DTX1: variants seen among roughly 807,000 people sequenced by gnomAD.
DTX1 encodes E3 ubiquitin-protein ligase DTX1.
DTX1 carries 26 observed loss-of-function variants against 57.8 expected under a neutral mutation model. The observed-to-expected ratio is 0.45, with a 90% CI of 0.33 to 0.62. DTX1 has a LOEUF of 0.62. Ranked by LOEUF, DTX1 falls within the 20% of genes least tolerant of loss-of-function variation. The pLI, the probability that DTX1 is intolerant of heterozygous loss-of-function variation, is 0.02. For missense variants in DTX1, 704 were observed against 895.3 expected (o/e 0.79, Z 2.73); for synonymous variants, 398 against 394.1 (o/e 1.01, Z -0.12).
At chr12:113,084,595 G>C (rs1443521806) in intron 3 of DTX1, among the ~76,000 whole-genome samples, 1 of 152,146 alleles carries the variant, frequency 6.6e-6, no homozygotes, top group East Asian at 1.9e-4. Flanking sequence ...ATGTTGCCCA[G>C]GCTAGTCTCA....
chr12:113,086,277 C>T (rs1479023257), intron 3 of DTX1, among the ~76,000 whole-genome samples: 1 of 143,860 alleles, frequency 7.0e-6, no homozygotes, highest in African/African-American at 2.5e-5. Context: ...AAAAAAAAAG[C>T]AAAAGAACTG....
Position 113,060,239 on chromosome 12 carries a change from T to G in DTX1, c.259+1788T>G, listed in dbSNP as rs58273997. Among the ~76,000 whole-genome samples, 1,044 of 152,292 alleles carry G rather than the reference T, an allele frequency of 6.9e-3. 14 individuals are homozygous for G. Among genetic ancestry groups the G allele is most frequent in the African/African-American group, 0.024 (991 of 41,548 alleles). On this transcript the variant is annotated intron_variant, in intron 2 of 9. Coordinates refer to ENST00000548759, the MANE Select transcript of DTX1 (RefSeq NM_004416.3). ...CATATGATTATTTATTGATCTCTGC[T>G]GTGTGTCAATTTCTGTGCTAAGCAC...
rs1001061716 is a variant in DTX1 at position 113,097,837 on chromosome 12, G to A, written c.*898G>A. On this transcript the variant is annotated 3_prime_UTR_variant, in exon 10 of 10. Coordinates refer to ENST00000548759, the MANE Select transcript of DTX1 (RefSeq NM_004416.3). ...AGAGTCAATTTCCCTTTCGTTGGGA[G>A]TGGGCAGTGGGGTGGCTAATTGTCT... is the stretch of plus-strand genomic sequence containing the variant. 2 of 152,738 alleles carry A rather than the reference G, an allele frequency of 1.3e-5. No homozygotes were observed. The highest frequency in any genetic ancestry group is 6.5e-5 in the Admixed American group (1 of 15,290). 9.5% of individuals were successfully genotyped at this position (152,738 alleles called of 1,614,324 possible).
intron 2 of DTX1, among the ~76,000 whole-genome samples, chr12:113,075,360 G>A (rs1178012744): frequency 1.3e-5 from 2 of 152,222 alleles, no homozygotes; most frequent in East Asian, 3.8e-4. Flanking sequence ...AGAGGGAAGG[G>A]CTGGGTCATG....
In DTX1 at chr12:113,095,461, C is replaced by T. The variant is rs757876060; in HGVS notation, c.1638+47C>T. On this transcript the variant is annotated intron_variant, in intron 9 of 9. Coordinates refer to ENST00000548759, the MANE Select transcript of DTX1 (RefSeq NM_004416.3). Reference sequence around the variant, plus strand: ...CATGGGAGATAGGCACAGGCAGGGGCTCCAGCAACCACTGGCCTGGGCCTG... The same window carrying T: ...CATGGGAGATAGGCACAGGCAGGGGTTCCAGCAACCACTGGCCTGGGCCTG... 1.6e-5 allele frequency: 26 copies of T among 1,609,792 alleles called. 1 individual carries two copies. In the South Asian group the frequency reaches 2.9e-4, roughly 18 times the overall value.
chr12:113,075,506 A>T (rs765384668), intron 2 of DTX1, among the ~76,000 whole-genome samples: 1 of 152,240 alleles, frequency 6.6e-6, no homozygotes, highest in African/African-American at 2.4e-5. Flanking sequence ...GACTCACTTC[A>T]TCAGCCCCAA....
rs2044627126 is a variant in DTX1 at position 113,056,886 on chromosome 12, C to G, written c.-803C>G. 1.3e-5 allele frequency: 2 copies of G among 152,654 alleles called. No homozygotes were observed. The highest frequency in any genetic ancestry group is 4.8e-5 in the African/African-American group (2 of 41,450). 9.5% of individuals were successfully genotyped at this position (152,654 alleles called of 1,614,324 possible). A position where few individuals can be genotyped will look rare whatever the true frequency, so the allele number is the denominator to read the frequency against. ...GGCTCCCTCCCACTCCGGGGGGAGC[C>G]CAGGAGGCGGCGGTGCTGGAGCGCG... On this transcript the variant is annotated 5_prime_UTR_variant, in exon 1 of 10. Coordinates refer to ENST00000548759, the MANE Select transcript of DTX1 (RefSeq NM_004416.3).
intron 3 of DTX1, among the ~76,000 whole-genome samples, chr12:113,085,206 AC>A (rs1283282648): frequency 6.6e-6 from 1 of 151,966 alleles, no homozygotes; most frequent in Non-Finnish European, 1.5e-5. Flanking sequence ...CACGCCACCA[AC>A]CCGGCTAATT....
intron 2 of DTX1, among the ~76,000 whole-genome samples, chr12:113,069,135 T>A (rs1038298430): frequency 6.6e-6 from 1 of 152,160 alleles, no homozygotes; most frequent in South Asian, 2.1e-4. Context: ...TCTGGGAGTG[T>A]TTATTATCAT....
intron 6 of DTX1, 59 bp downstream of exon 6, chr12:113,094,158 C>A: frequency 6.8e-7 from 1 of 1,475,096 alleles, no homozygotes. Flanking sequence ...CAGGAACCCT[C>A]ACCCCTCCTC....
In DTX1 at chr12:113,093,103, C is replaced by A; in HGVS notation, c.942-59C>A. 4 of 1,540,166 alleles carry A rather than the reference C, an allele frequency of 2.6e-6. No homozygotes were observed. The highest frequency in any genetic ancestry group is 3.5e-6 in the Non-Finnish European group (4 of 1,136,620). ...GCCAGAGACAGAAGGCAAGCCAGGT[C>A]CCCTGACGTCGCTTCGGGGGCTGGA... On this transcript the variant is annotated intron_variant, in intron 3 of 9. Coordinates refer to ENST00000548759, the MANE Select transcript of DTX1 (RefSeq NM_004416.3). This position sits in a 1 kb window ranked among gnomAD's most constrained non-coding sequence, Gnocchi z 4.2.
intron 2 of DTX1, among the ~76,000 whole-genome samples, chr12:113,066,274 A>G (rs2136425385): frequency 6.6e-6 from 1 of 152,166 alleles, no homozygotes; most frequent in African/African-American, 2.4e-5. Flanking sequence ...CACATCTATA[A>G]TCCCAGCACT....
At chr12:113,069,802 T>C (rs1033309908) in intron 2 of DTX1, among the ~76,000 whole-genome samples, 4 of 152,136 alleles carry the variant, frequency 2.6e-5, no homozygotes, top group African/African-American at 9.7e-5. Context: ...CCTAGCACAG[T>C]TGCTGGCACT....
At position 113,077,868 on chromosome 12, in the gene DTX1, C is replaced by A; in HGVS notation, c.704C>A (p.Pro235Gln). The A allele has an allele frequency of 7.6e-7, 1 of 1,309,244 alleles. No homozygotes were observed. Among genetic ancestry groups the A allele is most frequent in the Non-Finnish European group, 9.6e-7 (1 of 1,039,118 alleles). 81.1% of individuals were successfully genotyped at this position (1,309,244 alleles called of 1,614,324 possible). A position where few individuals can be genotyped will look rare whatever the true frequency, so the allele number is the denominator to read the frequency against. The change falls in exon 3 of 10, where the codon CCG becomes CAG. Residue 235 changes from proline to glutamine, a missense_variant. Pro to Gln is a moderately conservative substitution (Grantham distance 76, BLOSUM62 -1). This residue lies in a region of DTX1 where 299 missense variants were observed against 311.2 expected (regional missense o/e 0.96). Transcript: ENST00000548759. This position sits in a 1 kb window ranked among gnomAD's most constrained non-coding sequence, Gnocchi z 7.8. The part of the protein sequence containing the change: ...KAPPAPPLPP[P>Q]PPPGGPPGAL... ...CCCCCCGCGCCCCCGCTGCCGCCGC[C>A]GCCGCCACCTGGAGGGCCTCCAGGC...
Position 113,095,290 on chromosome 12 carries a change from C to T in DTX1, c.1549-35C>T, listed in dbSNP as rs778633439. ...CTTCTCCACCCTGCCACCACCTGTT[C>T]ATGGTCTAAATCCCTGTACTGTCCC... On this transcript the variant is annotated intron_variant, in intron 8 of 9. Coordinates refer to ENST00000548759, the MANE Select transcript of DTX1 (RefSeq NM_004416.3). The T allele has an allele frequency of 5.6e-6, 9 of 1,613,456 alleles. No homozygotes were observed. In the South Asian group the frequency reaches 8.8e-5, roughly 16 times the overall value.
At chr12:113,086,752 G>A (rs751101381) in intron 3 of DTX1, among the ~76,000 whole-genome samples, 21 of 151,854 alleles carry the variant, frequency 1.4e-4, no homozygotes, top group Non-Finnish European at 2.9e-5. Context: ...TACATTTCAG[G>A]GGTTTGAAAA....
intron 3 of DTX1, among the ~76,000 whole-genome samples, chr12:113,089,691 A>G (rs1433618983): frequency 6.6e-6 from 1 of 152,190 alleles, no homozygotes; most frequent in East Asian, 1.9e-4. Flanking sequence ...GCTGGAGACT[A>G]CCTCGGGACT....
At chr12:113,065,352 T>C (rs1437072951) in intron 2 of DTX1, among the ~76,000 whole-genome samples, 1 of 152,140 alleles carries the variant, frequency 6.6e-6, no homozygotes, top group East Asian at 1.9e-4. Context: ...TGAGATCAGA[T>C]CCAGGTCTGC....
chr12:113,095,202 A>T lies in DTX1; in HGVS notation c.1547A>T (p.Gln516Leu). Residue 516 changes from glutamine to leucine, a missense_variant and splice_region_variant, in exon 8 of 10, where the codon CAG becomes CTG. Around this residue, in one of 3 missense-constraint regions of DTX1, gnomAD observed 168 missense variants for 255.6 expected, o/e 0.66. Transcript: ENST00000548759. ...GTCTATGACATCCCCACAGGCATCC[A>T]GGTGGGCTCCCCTTCCGCCTCTCTG... ...RIVYDIPTGI[Q>L]GPEHPNPGKK... is the part of the protein sequence containing the mutation. The T allele has an allele frequency of 6.2e-7, 1 of 1,604,470 alleles. No individual in the cohort carries two copies. Among genetic ancestry groups the T allele is most frequent in the Non-Finnish European group, 8.5e-7 (1 of 1,172,230 alleles).
Sources: allele counts gnomAD v4.1 joint callset (sites outside exome capture counted in the v4.1 genomes callset), GRCh38; gene constraint gnomAD v4.1.1; regional missense constraint gnomAD v4.1.1; non-coding constraint Gnocchi (gnomAD v3.1); transcripts MANE v1.5; gene names NCBI Gene and HGNC (gene_info 2026-07-23, HGNC 2026-07-21).